The following PTPRS variants were observed in gnomAD, a reference collection of about 807,000 sequenced individuals.
PTPRS encodes the protein receptor-type tyrosine-protein phosphatase S.
PTPRS carries 63 observed loss-of-function variants against 215.3 expected under a neutral mutation model. That is an observed-to-expected ratio of 0.29 (90% CI 0.24 to 0.36). PTPRS has a LOEUF of 0.36. Ranked by LOEUF, PTPRS falls within the 10% of genes least tolerant of loss-of-function variation. The probability of loss-of-function intolerance (pLI) is 1.00; values close to 1 mark genes in which losing one functional copy is unlikely to be tolerated. For synonymous variants in PTPRS, 1,404 were observed against 1,191.4 expected, an observed-to-expected ratio of 1.18 and a Z score of -3.68; for missense variants, 2,258 against 2,825.8, an observed-to-expected ratio of 0.80 and a Z score of 4.56.
chr19:5,312,123 C>T (rs1568605799), intron 1 of PTPRS, among the ~76,000 whole-genome samples: 1 of 151,674 alleles, frequency 6.6e-6, no homozygotes, highest in Admixed American at 6.6e-5. Flanking sequence ...ACGAGCCCTG[C>T]AACACATCTC....
intron 1 of PTPRS, among the ~76,000 whole-genome samples, chr19:5,327,962 C>T (rs2050214750): frequency 6.6e-6 from 1 of 152,094 alleles, no homozygotes; most frequent in Non-Finnish European, 1.5e-5. Flanking sequence ...GTCCCCAGAC[C>T]CTTTGGGCCT....
intron 1 of PTPRS, among the ~76,000 whole-genome samples, chr19:5,309,137 T>C (rs1600093200): frequency 6.6e-6 from 1 of 151,084 alleles, no homozygotes; most frequent in Non-Finnish European, 1.5e-5. Flanking sequence ...GCTCCGGGGG[T>C]GGAGAGAGAA....
chr19:5,339,769 GC>G lies in PTPRS; in HGVS notation c.-95+894del, dbSNP rs1330905668. On this transcript the variant is annotated intron_variant, in intron 1 of 37. Transcript: ENST00000262963. The surrounding 1 kb of genome is among the most constrained non-coding windows in gnomAD (Gnocchi z 4.2). ...TGACGTCACCTCCCCTCCCCCCGCA[GC>G]CCCCGGGGGCTCCCGGGGCGTGCGG... Among the ~76,000 whole-genome samples the G allele has an allele frequency of 1.3e-5, 2 of 151,582 alleles. No individual in the cohort carries two copies. Among genetic ancestry groups the G allele is most frequent in the Non-Finnish European group, 2.9e-5 (2 of 67,800 alleles).
chr19:5,278,504 G>T (rs1471249429), intron 2 of PTPRS, among the ~76,000 whole-genome samples: 2 of 151,878 alleles, frequency 1.3e-5, no homozygotes, highest in Non-Finnish European at 2.9e-5. Flanking sequence ...CTGCGGCAGG[G>T]TCTCACTCCG....
At chr19:5,300,144 G>A (rs2049256854) in intron 1 of PTPRS, among the ~76,000 whole-genome samples, 1 of 151,574 alleles carries the variant, frequency 6.6e-6, no homozygotes, top group East Asian at 1.9e-4. Context: ...GGGAGGCTGA[G>A]GCATGAGAAT....
At chr19:5,212,853 A>AAC (rs2041044170) in intron 30 of PTPRS, among the ~76,000 whole-genome samples, 5 of 150,182 alleles carry the variant, frequency 3.3e-5, no homozygotes, top group Middle Eastern at 3.4e-3. Context: ...AAAAAAAAAA[A>AAC]CACCCATGTC....
At chr19:5,254,411 ATTTTATTGGGGGGTGTT>A (rs143620570) in intron 9 of PTPRS, among the ~76,000 whole-genome samples, 36,987 of 136,290 alleles carry the variant, frequency 0.27, 5,258 homozygotes, top group Non-Finnish European at 0.34. Flanking sequence ...CTACACGGAT[ATTTTATTGGGGGGTGTT>A]TTTTATTGGG....
Position 5,242,883 on chromosome 19 carries a change from AG to A in PTPRS, c.1570+1017del, listed in dbSNP as rs147297212. On this transcript the variant is annotated intron_variant, in intron 11 of 37. Transcript: ENST00000262963. ...CTAATTTTTAATTTTTTGTGTGTGT[AG>A]AGATGGGGTCTAGCTACATTGTCCA... Among the ~76,000 whole-genome samples the A allele has an allele frequency of 2.9e-3, 442 of 152,238 alleles. 3 individuals are homozygous for A. The highest frequency in any genetic ancestry group is 0.01 in the African/African-American group (421 of 41,534).
chr19:5,292,648 A>G, intron 1 of PTPRS: 1 of 152,446 alleles, frequency 6.6e-6, no homozygotes, highest in Non-Finnish European at 1.5e-5. Context: ...GAGGAGCGGA[A>G]ACAAATGGAT....
Position 5,315,350 on chromosome 19 carries a change from G to GCTTTTTTTTTT in PTPRS, c.-95+25313_-95+25314insAAAAAAAAAAG, listed in dbSNP as rs2049835558. Among the ~76,000 whole-genome samples the GCTTTTTTTTTT allele has an allele frequency of 3.8e-3, 381 of 101,294 alleles. 124 individuals carry two copies. The highest frequency in any genetic ancestry group is 6.1e-3 in the Non-Finnish European group (324 of 52,760). 66.5% of individuals were successfully genotyped at this position (101,294 alleles called of 152,430 possible). On this transcript the variant is annotated intron_variant, in intron 1 of 37. Coordinates refer to ENST00000262963, the MANE Select transcript of PTPRS (RefSeq NM_002850.4). ...TCATGGAGAATTTTTATTTGAAAAGGGTTTTTTTTTTTTTTTTTTTTTTTT... is the reference window on the plus strand; with the variant it reads ...TCATGGAGAATTTTTATTTGAAAAGGCTTTTTTTTTTGTTTTTTTTTTTTTTTTTTTTTTTT...
intron 1 of PTPRS, among the ~76,000 whole-genome samples, chr19:5,329,637 C>T (rs1036846333): frequency 6.6e-5 from 10 of 151,844 alleles, no homozygotes; most frequent in Admixed American, 3.3e-4. Context: ...TAATAGTGGG[C>T]GCCTGTAGTC....
chr19:5,221,327 TC>T, intron 19 of PTPRS, 74 bp from the exon 20 acceptor site: 1 of 1,536,540 alleles, frequency 6.5e-7, no homozygotes, highest in Non-Finnish European at 8.8e-7. Context: ...CCAGGATGAG[TC>T]CCCCACCCTG....
rs776976755 is a variant in PTPRS, at chr19:5,229,331, ATCC to A, written c.2358_2360del (p.Asp788del). Reference sequence around the variant, plus strand: ...CGCTACTTACATATTCGGCCGTGTCATCCGTCTCCCACTGAGCGCGGGAGGAGG... The same window carrying A: ...CGCTACTTACATATTCGGCCGTGTCAGTCTCCCACTGAGCGCGGGAGGAGG... On this transcript the variant is annotated inframe_deletion, in exon 16 of 38. Transcript: ENST00000262963. 7.3e-7 allele frequency: 1 copy of A among 1,379,094 alleles called. No individual in the cohort carries two copies. Among genetic ancestry groups the A allele is most frequent in the Non-Finnish European group, 9.4e-7 (1 of 1,061,304 alleles). 85.4% of individuals were successfully genotyped at this position (1,379,094 alleles called of 1,614,324 possible). A position where few individuals can be genotyped will look rare whatever the true frequency, so the allele number is the denominator to read the frequency against.
intron 1 of PTPRS, among the ~76,000 whole-genome samples, chr19:5,306,251 T>G (rs918037586): frequency 1.3e-5 from 2 of 151,632 alleles, no homozygotes; most frequent in Non-Finnish European, 2.9e-5. Flanking sequence ...TTCCAGTCAT[T>G]CTCCTGCCTC....
rs576916558 is a variant in PTPRS, at chr19:5,237,809, C to G, written c.1849+1110G>C. Among the ~76,000 whole-genome samples the G allele has an allele frequency of 2.6e-5, 4 of 151,546 alleles. No homozygotes were observed. The East Asian group carries it at 5.9e-4, about 22-fold the overall frequency. The stretch of plus-strand genomic sequence containing the variant: ...CCTTGGAGCCGCCAGGTGCTCAGCT[C>G]GGCTTGGTTTGTGGGGAGCAGGAAG... On this transcript the variant is annotated intron_variant, in intron 13 of 37. Transcript: ENST00000262963. This position sits in a 1 kb window ranked among gnomAD's most constrained non-coding sequence, Gnocchi z 4.2.
intron 26 of PTPRS, among the ~76,000 whole-genome samples, chr19:5,215,899 G>A: frequency 6.6e-6 from 1 of 152,182 alleles, no homozygotes. Context: ...CAAGCTGGGG[G>A]TGCAGGGGCT....
rs957794265 is a variant in PTPRS, at chr19:5,244,639, G to A, written c.989-157C>T. On this transcript the variant is annotated intron_variant, in intron 10 of 37. Transcript: ENST00000262963. The surrounding 1 kb of genome is among the most constrained non-coding windows in gnomAD (Gnocchi z 7.2). ...CTCCTGTCATCGTCTACAGCAAGGG[G>A]TAACAAACTATGGCCCAGGGTCCAC... Among the ~76,000 whole-genome samples the A allele has an allele frequency of 6.6e-6, 1 of 152,158 alleles. No homozygotes were observed. The highest frequency in any genetic ancestry group is 6.5e-5 in the Admixed American group (1 of 15,282).
chr19:5,266,308 A>G (rs1310335063), intron 4 of PTPRS, among the ~76,000 whole-genome samples: 1 of 151,980 alleles, frequency 6.6e-6, no homozygotes, highest in African/African-American at 2.4e-5. Flanking sequence ...ATATAGAGAT[A>G]GGGTCTCACC....
At chr19:5,274,650 C>A (rs2047204995) in intron 2 of PTPRS, among the ~76,000 whole-genome samples, 1 of 53,858 alleles carries the variant, frequency 1.9e-5, no homozygotes, top group African/African-American at 7.0e-5. Context: ...TACAACCTCA[C>A]CTGGGCACAC....
Sources: gnomAD v4.1 joint callset for allele counts (sites outside exome capture counted in the v4.1 genomes callset) on GRCh38, gnomAD v4.1.1 for gene constraint, Gnocchi (gnomAD v3.1) non-coding constraint, MANE v1.5 for transcripts, NCBI Gene and HGNC (gene_info 2026-07-23, HGNC 2026-07-21) for gene names.